RETREG1: variants seen among roughly 807,000 people sequenced by gnomAD.
RETREG1 encodes the protein family with sequence similarity 134 member B.
A neutral mutation model predicts 54.8 loss-of-function variants in RETREG1; 44 were observed. That is an observed-to-expected ratio of 0.80 (90% confidence interval 0.63 to 1.03). The LOEUF is 1.03. Among genes scored for constraint, RETREG1 ranks in the 50% least tolerant of loss-of-function variants. The pLI, the probability that RETREG1 is intolerant of heterozygous loss-of-function variation, is 0.00. For synonymous variants in RETREG1, 217 were observed against 238.5 expected, an observed-to-expected ratio of 0.91 and a Z score of 0.83; for missense variants, 554 against 605.1, an observed-to-expected ratio of 0.92 and a Z score of 0.89.
intron 3 of RETREG1, among the ~76,000 whole-genome samples, chr5:16,535,913 G>A (rs1430891973): frequency 3.4e-5 from 5 of 148,588 alleles, no homozygotes; most frequent in Non-Finnish European, 5.9e-5. Flanking sequence ...CAAAGTGGGA[G>A]CTGGGGTTCC....
At chr5:16,529,782 G>A (rs892030769) in intron 3 of RETREG1, among the ~76,000 whole-genome samples, 2 of 152,178 alleles carry the variant, frequency 1.3e-5, no homozygotes, top group Non-Finnish European at 2.9e-5. Flanking sequence ...TGGAATGGGG[G>A]TAGAAAGTGA....
intron 2 of RETREG1, among the ~76,000 whole-genome samples, chr5:16,567,945 G>A (rs953231511): frequency 4.6e-5 from 7 of 152,054 alleles, no homozygotes; most frequent in Non-Finnish European, 8.8e-5. Context: ...GGGCAACACA[G>A]TGAGACCCCA....
chr5:16,495,043 G>A (rs547440123), intron 3 of RETREG1, among the ~76,000 whole-genome samples: 13 of 152,250 alleles, frequency 8.5e-5, no homozygotes, highest in South Asian at 4.1e-4. Flanking sequence ...CTTAAGCAAG[G>A]CAACTGGCTG....
rs1739392103 is a variant in RETREG1, at chr5:16,494,839, G to A, written c.459-11367C>T. Among the ~76,000 whole-genome samples the A allele has an allele frequency of 2.6e-5, 4 of 152,302 alleles. No individual in the cohort carries two copies. In the South Asian group the frequency reaches 8.3e-4, roughly 32 times the overall value. On this transcript the variant is annotated intron_variant, in intron 3 of 8. Coordinates refer to ENST00000306320, the MANE Select transcript of RETREG1 (RefSeq NM_001034850.3). The stretch of plus-strand genomic sequence containing the variant: ...GAAGCAGCTTTGAGACTGGGTAATA[G>A]GCAGAAGTTGGAAGAGTTTGGAGAG...
intron 3 of RETREG1, among the ~76,000 whole-genome samples, chr5:16,543,491 C>G (rs1741302495): frequency 6.6e-6 from 1 of 152,008 alleles, no homozygotes; most frequent in Non-Finnish European, 1.5e-5. Flanking sequence ...GTCTAGCCAA[C>G]ATGATGAAAC....
At chr5:16,535,248 C>T (rs1039169158) in intron 3 of RETREG1, among the ~76,000 whole-genome samples, 1 of 152,224 alleles carries the variant, frequency 6.6e-6, no homozygotes. Context: ...TCAATCCTTG[C>T]AAGCTCTGAG....
intron 1 of RETREG1, among the ~76,000 whole-genome samples, chr5:16,582,225 G>T (rs1317182439): frequency 2.0e-5 from 3 of 152,284 alleles, no homozygotes; most frequent in African/African-American, 7.2e-5. Flanking sequence ...ATCACCATAT[G>T]CACGTTCTTT....
At chr5:16,558,509 C>T (rs1741772735) in intron 3 of RETREG1, among the ~76,000 whole-genome samples, 2 of 152,218 alleles carry the variant, frequency 1.3e-5, no homozygotes, top group African/African-American at 4.8e-5. Flanking sequence ...GTATCCTTCA[C>T]AGCAAGATTT....
Position 16,595,284 on chromosome 5 carries a change from C to T in RETREG1, c.320+21368G>A, listed in dbSNP as rs528021943. On this transcript the variant is annotated intron_variant, in intron 1 of 8. Coordinates refer to ENST00000306320, the MANE Select transcript of RETREG1 (RefSeq NM_001034850.3). ...CCAGAAAGATCTTTTTTTTAAGCAC[C>T]GAGTGCATGTATGTTTTGTTTGTAG... Among the ~76,000 whole-genome samples, 149 of 151,824 alleles carry T rather than the reference C, an allele frequency of 9.8e-4. 1 individual carries two copies. The highest frequency in any genetic ancestry group is 3.3e-3 in the African/African-American group (137 of 41,352).
intron 1 of RETREG1, among the ~76,000 whole-genome samples, chr5:16,581,399 G>A (rs1165665923): frequency 6.6e-6 from 1 of 152,142 alleles, no homozygotes; most frequent in Non-Finnish European, 1.5e-5. Flanking sequence ...CAGGCCCTGT[G>A]TGGCTGTCTA....
Position 16,478,907 on chromosome 5 carries a change from G to A in RETREG1, c.751C>T (p.Leu251=), listed in dbSNP as rs1738649252. 7.4e-6 allele frequency: 12 copies of A among 1,612,046 alleles called. No individual in the cohort carries two copies. The highest frequency in any genetic ancestry group is 1.0e-5 in the Non-Finnish European group (12 of 1,178,792). Residue 251 remains leucine (L), a synonymous_variant, in exon 6 of 9, where the codon CTG becomes TTG. Coordinates refer to ENST00000306320, the MANE Select transcript of RETREG1 (RefSeq NM_001034850.3). ...TCTCCAATTCCAAAATCCAGTTTCA[G>A]CAGAACTGACTTAATTTTGCTGTAA... ...KIYSKIKSVL[L]KLDFGIGEYI...
At chr5:16,612,510 T>C (rs963553378) in intron 1 of RETREG1, among the ~76,000 whole-genome samples, 1 of 152,250 alleles carries the variant, frequency 6.6e-6, no homozygotes, top group Non-Finnish European at 1.5e-5. Context: ...AAGGCTATGT[T>C]AGTTAATTTT....
chr5:16,595,044 G>A (rs1742860797), intron 1 of RETREG1, among the ~76,000 whole-genome samples: 1 of 152,082 alleles, frequency 6.6e-6, no homozygotes, highest in South Asian at 2.1e-4. Flanking sequence ...CAGCTTATGA[G>A]CCATTTTCTC....
chr5:16,559,683 T>C (rs1195636201), intron 3 of RETREG1, among the ~76,000 whole-genome samples: 1 of 152,260 alleles, frequency 6.6e-6, no homozygotes, highest in Admixed American at 6.5e-5. Context: ...TGTAAAGTTA[T>C]TTCTTTCTAA....
intron 3 of RETREG1, among the ~76,000 whole-genome samples, chr5:16,555,118 T>C (rs1373565890): frequency 2.0e-5 from 3 of 152,184 alleles, no homozygotes; most frequent in Non-Finnish European, 4.4e-5. Context: ...CTAACTAGAA[T>C]ATAAACTCTA....
intron 3 of RETREG1, among the ~76,000 whole-genome samples, chr5:16,545,885 G>A (rs904104243): frequency 3.9e-5 from 6 of 152,228 alleles, no homozygotes; most frequent in Non-Finnish European, 5.9e-5. Flanking sequence ...TGTCCAGGAT[G>A]CTTCTCCTCC....
chr5:16,551,137 G>A (rs538110861), intron 3 of RETREG1, among the ~76,000 whole-genome samples: 14 of 151,934 alleles, frequency 9.2e-5, no homozygotes, highest in East Asian at 1.9e-4. Flanking sequence ...CTCTTTTCCC[G>A]GTCACTGTTT....
Position 16,593,364 on chromosome 5 carries a change from T to A in RETREG1, c.321-21262A>T, listed in dbSNP as rs1392083299. Among the ~76,000 whole-genome samples, 1 of 152,182 alleles carries A rather than the reference T, an allele frequency of 6.6e-6. No individual in the cohort carries two copies. Among genetic ancestry groups the A allele is most frequent in the Non-Finnish European group, 1.5e-5 (1 of 68,036 alleles). On this transcript the variant is annotated intron_variant, in intron 1 of 8. Coordinates refer to ENST00000306320, the MANE Select transcript of RETREG1 (RefSeq NM_001034850.3). This position sits in a 1 kb window ranked among gnomAD's most constrained non-coding sequence, Gnocchi z 4.9. ...CTGTGAGAGAAGGGACCATCTCTCC[T>A]GTTCACCACTGTCACCCAAGCACTA...
At chr5:16,610,569 C>A (rs543251403) in intron 1 of RETREG1, among the ~76,000 whole-genome samples, 1 of 152,186 alleles carries the variant, frequency 6.6e-6, no homozygotes, top group African/African-American at 2.4e-5. Flanking sequence ...AAGAACAAAT[C>A]GAACAACCCC....
Sources: allele counts gnomAD v4.1 joint callset (sites outside exome capture counted in the v4.1 genomes callset), GRCh38; gene constraint gnomAD v4.1.1; non-coding constraint Gnocchi (gnomAD v3.1); transcripts MANE v1.5; gene names NCBI Gene and HGNC (gene_info 2026-07-23, HGNC 2026-07-21).